Variants in KCTD1 observed in about 807,000 individuals in gnomAD.
The protein encoded by KCTD1 is potassium channel tetramerization domain containing 1, also known as BTB/POZ domain-containing protein KCTD1.
Under a neutral mutation model 66.0 loss-of-function variants are expected in KCTD1, and 24 were observed. The observed-to-expected ratio is 0.36, with a 90% CI of 0.26 to 0.51. KCTD1 has a LOEUF of 0.51. Among genes scored for constraint, KCTD1 ranks in the 20% least tolerant of loss-of-function variants. The probability of loss-of-function intolerance (pLI) is 0.95; values close to 1 mark genes in which losing one functional copy is unlikely to be tolerated. For missense variants in KCTD1, 943 were observed against 1,205.2 expected (o/e 0.78, Z 3.22); for synonymous variants, 511 against 517.2 (o/e 0.99, Z 0.16).
At chr18:26,554,466 G>A (rs543891475) in intron 1 of KCTD1, among the ~76,000 whole-genome samples, 5 of 137,666 alleles carry the variant, frequency 3.6e-5, no homozygotes, top group Non-Finnish European at 1.6e-5. Flanking sequence ...CTTGGCTATT[G>A]GAAGTAGGGA....
chr18:26,645,658 A>G (rs1987915175), intron 1 of KCTD1, among the ~76,000 whole-genome samples: 2 of 152,134 alleles, frequency 1.3e-5, no homozygotes, highest in Admixed American at 6.5e-5. Flanking sequence ...TTGGCCTCCT[A>G]AAGTGCTAGG....
chr18:26,489,338 C>T (rs1170845269), intron 2 of KCTD1, among the ~76,000 whole-genome samples: 1 of 152,184 alleles, frequency 6.6e-6, no homozygotes, highest in Non-Finnish European at 1.5e-5. Flanking sequence ...ACATAGCTCA[C>T]GTTTCAGTGA....
At chr18:26,509,626 A>C (rs1983232840) in intron 1 of KCTD1, among the ~76,000 whole-genome samples, 1 of 152,212 alleles carries the variant, frequency 6.6e-6, no homozygotes, top group South Asian at 2.1e-4. Context: ...AAGTCATCCA[A>C]AGATCAAACC....
intron 1 of KCTD1, among the ~76,000 whole-genome samples, chr18:26,624,765 C>T (rs1987463080): frequency 1.3e-5 from 2 of 152,170 alleles, no homozygotes; most frequent in African/African-American, 4.8e-5. Context: ...AGAAGAGGAC[C>T]ACCATCCTTC....
intron 3 of KCTD1, among the ~76,000 whole-genome samples, chr18:26,465,464 G>C (rs2144554212): frequency 1.3e-5 from 2 of 152,316 alleles, no homozygotes; most frequent in South Asian, 4.1e-4. Context: ...GTTCTCACCA[G>C]GCAGTCCCCT....
At chr18:26,583,606 G>A (rs571052294) in intron 1 of KCTD1, among the ~76,000 whole-genome samples, 1 of 152,096 alleles carries the variant, frequency 6.6e-6, no homozygotes, top group South Asian at 2.1e-4. Context: ...GAATTCAAAA[G>A]CACTTGGCCA....
At chr18:26,549,257 G>A, upstream of KCTD1, 1 of 986,400 alleles carries the variant, frequency 1.0e-6, no homozygotes. Context: ...CTGGCGGCGA[G>A]GCGCGGGGGC....
chr18:26,627,606 A>C (rs1341937669), intron 1 of KCTD1, among the ~76,000 whole-genome samples: 3 of 152,206 alleles, frequency 2.0e-5, no homozygotes, highest in African/African-American at 7.2e-5. Flanking sequence ...CTCTGTTGTA[A>C]TGAAGCTATG....
chr18:26,656,933 G>A (rs560397075), intron 1 of KCTD1, among the ~76,000 whole-genome samples: 519 of 150,220 alleles, frequency 3.5e-3, no homozygotes, highest in Non-Finnish European at 5.2e-3. Flanking sequence ...AGCCGCGGCG[G>A]AGCGGCCGCG....
At position 26,572,213 on chromosome 18, in the gene KCTD1, C is replaced by G. The variant is rs992457455; in HGVS notation, c.-16+56934G>C. ...TACCTGGGACTACAGGCGCGCACCA[C>G]CACACCCAGCTAATTTTTGTATTTT... On this transcript the variant is annotated intron_variant, in intron 1 of 4. Transcript: ENST00000317932. Among the ~76,000 whole-genome samples the G allele has an allele frequency of 9.9e-5, 15 of 152,060 alleles. 1 individual carries two copies. The highest frequency in any genetic ancestry group is 3.6e-4 in the African/African-American group (15 of 41,404).
At chr18:26,486,874 G>A (rs1981946817) in intron 2 of KCTD1, among the ~76,000 whole-genome samples, 1 of 152,162 alleles carries the variant, frequency 6.6e-6, no homozygotes. Flanking sequence ...AATCATGCCA[G>A]CAAAAGAACA....
At chr18:26,461,960 T>C (rs997288229) in intron 3 of KCTD1, among the ~76,000 whole-genome samples, 2 of 151,926 alleles carry the variant, frequency 1.3e-5, no homozygotes, top group African/African-American at 2.4e-5. Context: ...CTACTAAAAA[T>C]ACAAAAAATT....
chr18:26,570,905 G>A (rs1002423107), intron 1 of KCTD1, among the ~76,000 whole-genome samples: 1 of 152,200 alleles, frequency 6.6e-6, no homozygotes, highest in African/African-American at 2.4e-5. Context: ...CTGTGAGGTT[G>A]TCTAAATCAT....
upstream of KCTD1, among the ~76,000 whole-genome samples, chr18:26,644,194 T>C (rs531833428): frequency 6.6e-6 from 1 of 152,240 alleles, no homozygotes; most frequent in South Asian, 2.1e-4. Context: ...GAAAAAGCCA[T>C]GTAAATACTG....
At chr18:26,576,522 A>G (rs936070934) in intron 1 of KCTD1, among the ~76,000 whole-genome samples, 1 of 152,204 alleles carries the variant, frequency 6.6e-6, no homozygotes, top group Non-Finnish European at 1.5e-5. Context: ...TAAGCTTTCA[A>G]GAGTTATACA....
chr18:26,615,302 A>G (rs944877796), intron 1 of KCTD1, among the ~76,000 whole-genome samples: 3 of 151,970 alleles, frequency 2.0e-5, no homozygotes, highest in Non-Finnish European at 2.9e-5. Flanking sequence ...AACTTTTTCT[A>G]CTCCTCTCAT....
chr18:26,456,002 A>T, intron 4 of KCTD1, 101 bp from the exon 5 acceptor site: 2 of 1,114,822 alleles, frequency 1.8e-6, no homozygotes, highest in Admixed American at 5.1e-5. Context: ...GGTTCATCTC[A>T]TCCAGCACCC....
chr18:26,537,913 T>TGGG (rs2144800047), intron 1 of KCTD1, among the ~76,000 whole-genome samples: 1 of 152,324 alleles, frequency 6.6e-6, no homozygotes, highest in African/African-American at 2.4e-5. Flanking sequence ...ATTATGCCCA[T>TGGG]CAGTGGGCTG....
intron 2 of KCTD1, among the ~76,000 whole-genome samples, chr18:26,498,680 C>A (rs1197803835): frequency 6.6e-6 from 1 of 151,768 alleles, no homozygotes; most frequent in Non-Finnish European, 1.5e-5. Context: ...CGCTCAATAG[C>A]TGTACGTGGC....
Sources: gnomAD v4.1 joint callset for allele counts (sites outside exome capture counted in the v4.1 genomes callset) on GRCh38, gnomAD v4.1.1 for gene constraint, MANE v1.5 for transcripts, NCBI Gene and HGNC (gene_info 2026-07-23, HGNC 2026-07-21) for gene names.